SAE1: variants seen among roughly 807,000 people sequenced by gnomAD.
The protein encoded by SAE1 is SUMO1 activating enzyme subunit 1, also known as SUMO-activating enzyme subunit 1.
SAE1 carries 11 observed loss-of-function variants against 40.6 expected under a neutral mutation model. The ratio of observed to expected loss-of-function variants is 0.27; its 90% CI spans 0.17 to 0.45. SAE1 has a LOEUF of 0.45. Ranked by LOEUF, SAE1 falls within the 20% of genes least tolerant of loss-of-function variation. The probability of loss-of-function intolerance (pLI) is 1.00; values close to 1 mark genes in which losing one functional copy is unlikely to be tolerated. For missense variants in SAE1, 373 were observed against 427.3 expected, an observed-to-expected ratio of 0.87 and a Z score of 1.12; for synonymous variants, 155 against 154.3, an observed-to-expected ratio of 1.00 and a Z score of -0.03.
At chr19:47,142,340 C>T (rs534325314) in intron 1 of SAE1, among the ~76,000 whole-genome samples, 5 of 149,950 alleles carry the variant, frequency 3.3e-5, no homozygotes, top group East Asian at 1.9e-4. Context: ...GCTGAGATCA[C>T]GCCACTGCAC....
chr19:47,157,141 TTC>T (rs763263960), intron 5 of SAE1, among the ~76,000 whole-genome samples: 1 of 152,178 alleles, frequency 6.6e-6, no homozygotes, highest in Non-Finnish European at 1.5e-5. Flanking sequence ...GTTGGAGATT[TTC>T]TTTCTCATTT....
chr19:47,177,558 G>A (rs1442378002), intron 6 of SAE1, among the ~76,000 whole-genome samples: 1 of 152,128 alleles, frequency 6.6e-6, no homozygotes, highest in Non-Finnish European at 1.5e-5. Flanking sequence ...ATTGGGGCAG[G>A]GAGGTCTTGC....
In SAE1 at chr19:47,138,799, TAGTG is replaced by T. The variant is rs561275109; in HGVS notation, c.99-4692_99-4689del. Among the ~76,000 whole-genome samples the T allele has an allele frequency of 2.2e-3, 340 of 152,208 alleles. 3 individuals carry two copies. The highest frequency in any genetic ancestry group is 7.6e-3 in the African/African-American group (315 of 41,550). On this transcript the variant is annotated intron_variant, in intron 1 of 8. Coordinates refer to ENST00000270225, the MANE Select transcript of SAE1 (RefSeq NM_005500.3). The stretch of plus-strand genomic sequence containing the variant: ...GCAATTGAGACTAGCTTGGGCAACT[TAGTG>T]AGGCCCCATTTCAATCAAAACAGTG...
chr19:47,135,816 C>A (rs190667307), intron 1 of SAE1, among the ~76,000 whole-genome samples: 1 of 151,198 alleles, frequency 6.6e-6, no homozygotes, highest in African/African-American at 2.4e-5. Flanking sequence ...TTTTTTGAAA[C>A]GGAGTCTCGC....
At chr19:47,173,798 T>G (rs1207666551) in intron 6 of SAE1, among the ~76,000 whole-genome samples, 1 of 151,224 alleles carries the variant, frequency 6.6e-6, no homozygotes, top group African/African-American at 2.4e-5. Flanking sequence ...TTTTTTTTTT[T>G]TTTTGAGACG....
At position 47,188,119 on chromosome 19, in the gene SAE1, C is replaced by T. The variant is rs145917612; in HGVS notation, c.734-9114C>T. The stretch of plus-strand genomic sequence containing the variant: ...ATCCCAGCACTTTCAGAGGACAAGG[C>T]AGGTGGACAACTTGAGCTCAGGAGT... On this transcript the variant is annotated intron_variant, in intron 6 of 8. Coordinates refer to ENST00000270225, the MANE Select transcript of SAE1 (RefSeq NM_005500.3). Among the ~76,000 whole-genome samples the T allele has an allele frequency of 4.6e-5, 7 of 152,124 alleles. No homozygotes were observed. In the East Asian group the frequency reaches 1.4e-3, roughly 30 times the overall value.
At chr19:47,184,497 A>G (rs1249752098) in intron 6 of SAE1, among the ~76,000 whole-genome samples, 2 of 151,190 alleles carry the variant, frequency 1.3e-5, no homozygotes, top group Non-Finnish European at 3.0e-5. Context: ...TGCAACCTCC[A>G]CCTCCTGGGT....
At chr19:47,168,977 C>T (rs1466688769) in intron 5 of SAE1, among the ~76,000 whole-genome samples, 1 of 152,198 alleles carries the variant, frequency 6.6e-6, no homozygotes, top group African/African-American at 2.4e-5. Flanking sequence ...TTTGTAGGTC[C>T]TAGCCATCCT....
rs115860558 is a variant in SAE1 at position 47,143,771 on chromosome 19, T to C, written c.210+166T>C. Reference sequence around the variant, plus strand: ...TGAAGGTGCTATTGTTGGGTTTGAATTCTAGCTCCACCACATCTAGCTGGA... The same window carrying C: ...TGAAGGTGCTATTGTTGGGTTTGAACTCTAGCTCCACCACATCTAGCTGGA... On this transcript the variant is annotated intron_variant, in intron 2 of 8. Transcript: ENST00000270225. Among the ~76,000 whole-genome samples, 169 of 152,292 alleles carry C rather than the reference T, an allele frequency of 1.1e-3. 1 individual carries two copies. Among genetic ancestry groups the C allele is most frequent in the African/African-American group, 4.0e-3 (166 of 41,574 alleles).
chr19:47,185,170 T>G (rs1343932929), intron 6 of SAE1, among the ~76,000 whole-genome samples: 1 of 152,222 alleles, frequency 6.6e-6, no homozygotes, highest in East Asian at 1.9e-4. Flanking sequence ...AAAACATGTG[T>G]CTAAAATCTC....
At chr19:47,141,564 G>A (rs569870382) in intron 1 of SAE1, among the ~76,000 whole-genome samples, 4 of 152,220 alleles carry the variant, frequency 2.6e-5, no homozygotes, top group Admixed American at 2.0e-4. Context: ...AGTTCGGGGA[G>A]GGGGAGTGCT....
At chr19:47,201,859 C>A (rs1347073794) in intron 7 of SAE1, among the ~76,000 whole-genome samples, 1 of 152,122 alleles carries the variant, frequency 6.6e-6, no homozygotes, top group Non-Finnish European at 1.5e-5. Flanking sequence ...TCTTGAACTC[C>A]TGACCTCAAA....
At chr19:47,198,532 G>T (rs2058631383) in intron 7 of SAE1, among the ~76,000 whole-genome samples, 1 of 152,082 alleles carries the variant, frequency 6.6e-6, no homozygotes, top group Non-Finnish European at 1.5e-5. Flanking sequence ...TGATAATGAT[G>T]GCTGCAGTTT....
chr19:47,164,639 C>CTTTTTTTTTTT lies in SAE1; in HGVS notation c.628-5162_628-5152dup, dbSNP rs1166301382. Among the ~76,000 whole-genome samples, 112 of 78,392 alleles carry CTTTTTTTTTTT rather than the reference C, an allele frequency of 1.4e-3. 9 individuals carry two copies. The highest frequency in any genetic ancestry group is 5.9e-3 in the African/African-American group (108 of 18,390). The allele number at this position is 78,392 out of a possible 152,430, so 51.4% of individuals were successfully genotyped here. ...TTGATGGGCTATGTGGAGAATTCAC[C>CTTTTTTTTTTT]TTTTTTTTTTTTTTTTTTTTTTTTT... On this transcript the variant is annotated intron_variant, in intron 5 of 8. Coordinates refer to ENST00000270225, the MANE Select transcript of SAE1 (RefSeq NM_005500.3).
At position 47,139,152 on chromosome 19, in the gene SAE1, A is replaced by G. The variant is rs187202694; in HGVS notation, c.99-4342A>G. Among the ~76,000 whole-genome samples, 118 of 152,210 alleles carry G rather than the reference A, an allele frequency of 7.8e-4. No homozygotes were observed. In the East Asian group the frequency reaches 0.018, roughly 23 times the overall value. ...TTTTGAGTAGAGATGGAGTTTCACC[A>G]TATTGGCCAGGCTGGTCTCGAACTC... On this transcript the variant is annotated intron_variant, in intron 1 of 8. Coordinates refer to ENST00000270225, the MANE Select transcript of SAE1 (RefSeq NM_005500.3).
intron 8 of SAE1, among the ~76,000 whole-genome samples, chr19:47,208,589 C>G (rs976127766): frequency 6.6e-6 from 1 of 152,140 alleles, no homozygotes; most frequent in East Asian, 1.9e-4. Flanking sequence ...CCATACTCGG[C>G]TAATTTCTGT....
At chr19:47,169,332 A>G (rs1391966864) in intron 5 of SAE1, among the ~76,000 whole-genome samples, 2 of 151,388 alleles carry the variant, frequency 1.3e-5, no homozygotes, top group Non-Finnish European at 2.9e-5. Flanking sequence ...TGCAAACTCC[A>G]CCTCCTGGGT....
intron 1 of SAE1, among the ~76,000 whole-genome samples, chr19:47,131,942 C>A (rs2058146649): frequency 6.6e-6 from 1 of 151,800 alleles, no homozygotes; most frequent in South Asian, 2.1e-4. Context: ...CTCAAGTGAT[C>A]CACCCGCCTC....
At chr19:47,179,117 G>A (rs913770629) in intron 6 of SAE1, among the ~76,000 whole-genome samples, 5 of 145,274 alleles carry the variant, frequency 3.4e-5, no homozygotes, top group African/African-American at 1.0e-4. Context: ...GTGTGAACCC[G>A]GGAGGCAGAG....
Sources: allele counts gnomAD v4.1 joint callset (sites outside exome capture counted in the v4.1 genomes callset), GRCh38; gene constraint gnomAD v4.1.1; transcripts MANE v1.5; gene names NCBI Gene and HGNC (gene_info 2026-07-23, HGNC 2026-07-21).